The following DACH1 variants were observed in gnomAD, a reference collection of about 807,000 sequenced individuals.
DACH1 encodes dachshund homolog 1.
In DACH1, 12 loss-of-function variants were observed where a neutral mutation model predicts 54.2. The ratio of observed to expected loss-of-function variants is 0.22; its 90% CI spans 0.14 to 0.36. DACH1 has a LOEUF of 0.36. DACH1 is among the 10% of genes least tolerant of loss of function. The pLI is 1.00. For missense variants in DACH1, 805 were observed against 929.8 expected (o/e 0.87, Z 1.75); for synonymous variants, 386 against 366.2 (o/e 1.05, Z -0.62).
intron 6 of DACH1, among the ~76,000 whole-genome samples, chr13:71,521,601 G>T (rs182778351): frequency 1.3e-5 from 2 of 152,068 alleles, no homozygotes; most frequent in Non-Finnish European, 2.9e-5. Context: ...CCTCTAAGCA[G>T]ATGTCCAACA....
intron 2 of DACH1, among the ~76,000 whole-genome samples, chr13:71,660,569 T>C (rs1340313420): frequency 6.6e-6 from 1 of 152,064 alleles, no homozygotes; most frequent in African/African-American, 2.4e-5. Context: ...TCAAATTCTC[T>C]GCCATTATCT....
chr13:71,788,754 C>A (rs1211235355), intron 1 of DACH1, among the ~76,000 whole-genome samples: 3 of 149,948 alleles, frequency 2.0e-5, no homozygotes, highest in Admixed American at 6.8e-5. Context: ...GAACTTCAAC[C>A]TTTTTTCACA....
chr13:71,845,273 A>G (rs1873155287), intron 1 of DACH1, among the ~76,000 whole-genome samples: 1 of 151,968 alleles, frequency 6.6e-6, no homozygotes, highest in South Asian at 2.1e-4. Context: ...AAAGTGAATG[A>G]ACACAGATGG....
intron 1 of DACH1, among the ~76,000 whole-genome samples, chr13:71,707,803 C>T (rs961627195): frequency 5.3e-5 from 8 of 151,916 alleles, no homozygotes; most frequent in African/African-American, 1.9e-4. Context: ...AAGATAATGG[C>T]AGAAATCTAG....
chr13:71,629,292 G>T (rs1229359392), intron 3 of DACH1, among the ~76,000 whole-genome samples: 11 of 151,948 alleles, frequency 7.2e-5, no homozygotes, highest in Admixed American at 2.6e-4. Context: ...CAGTTGTAGG[G>T]CCATCTCTTT....
intron 6 of DACH1, among the ~76,000 whole-genome samples, chr13:71,489,721 A>G (rs73518996): frequency 0.014 from 2,181 of 152,252 alleles, 59 homozygotes; most frequent in African/African-American, 0.05. Flanking sequence ...ATTATTCATC[A>G]TCATTAAAAT....
intron 3 of DACH1, 88 bp from the exon 4 acceptor site, chr13:71,573,100 G>T: frequency 7.6e-7 from 1 of 1,313,144 alleles, no homozygotes; most frequent in Non-Finnish European, 1.0e-6. Context: ...AATAATGGTA[G>T]TCAAAGAAAC....
chr13:71,742,997 T>C (rs1884460841), intron 1 of DACH1, among the ~76,000 whole-genome samples: 2 of 152,188 alleles, frequency 1.3e-5, no homozygotes, highest in Admixed American at 1.3e-4. Flanking sequence ...GACTTCTTGA[T>C]TGGACAACTT....
chr13:71,569,708 T>C (rs1433676042), intron 4 of DACH1, among the ~76,000 whole-genome samples: 1 of 152,178 alleles, frequency 6.6e-6, no homozygotes, highest in African/African-American at 2.4e-5. Context: ...TATTTTTGCT[T>C]CTCTTTTGTC....
intron 1 of DACH1, among the ~76,000 whole-genome samples, chr13:71,723,249 A>T (rs1048496971): frequency 2.1e-3 from 314 of 148,836 alleles, no homozygotes; most frequent in African/African-American, 7.2e-3. Context: ...CACAAATTAA[A>T]AAAAAAAAAA....
intron 1 of DACH1, among the ~76,000 whole-genome samples, chr13:71,862,112 G>C (rs927213608): frequency 7.2e-5 from 11 of 151,844 alleles, no homozygotes; most frequent in African/African-American, 2.4e-4. Context: ...ATCTACTTAA[G>C]TTAAAAACCC....
chr13:71,635,730 A>T (rs1348516013), intron 2 of DACH1, among the ~76,000 whole-genome samples: 1 of 151,890 alleles, frequency 6.6e-6, no homozygotes, highest in East Asian at 1.9e-4. Flanking sequence ...CCCCTCTTCC[A>T]TATCCCACTT....
chr13:71,478,140 T>C (rs1308039294), intron 8 of DACH1, among the ~76,000 whole-genome samples: 1 of 152,210 alleles, frequency 6.6e-6, no homozygotes, highest in Non-Finnish European at 1.5e-5. Context: ...TTCCATAGAT[T>C]GAGTTCTTTG....
chr13:71,817,036 T>A (rs947437124), intron 1 of DACH1, among the ~76,000 whole-genome samples: 8 of 152,062 alleles, frequency 5.3e-5, no homozygotes, highest in African/African-American at 1.7e-4. Context: ...GTAGGAAACC[T>A]ACGCTTGTAC....
intron 1 of DACH1, among the ~76,000 whole-genome samples, chr13:71,822,493 A>G (rs1296809263): frequency 6.6e-6 from 1 of 152,170 alleles, no homozygotes; most frequent in Non-Finnish European, 1.5e-5. Flanking sequence ...GTATGTTATT[A>G]TGTTGAACAC....
chr13:71,586,946 T>C (rs927431987), intron 3 of DACH1, among the ~76,000 whole-genome samples: 1 of 152,116 alleles, frequency 6.6e-6, no homozygotes, highest in South Asian at 2.1e-4. Context: ...GTTTTTCGGT[T>C]AAATTTCTAT....
At chr13:71,523,126 A>G (rs1414336472) in intron 6 of DACH1, among the ~76,000 whole-genome samples, 1 of 152,132 alleles carries the variant, frequency 6.6e-6, no homozygotes. Context: ...CAGATGTGTG[A>G]GCCCCTTGTG....
intron 1 of DACH1, among the ~76,000 whole-genome samples, chr13:71,710,208 A>G (rs531651021): frequency 1.3e-5 from 2 of 152,318 alleles, no homozygotes; most frequent in South Asian, 2.1e-4. Flanking sequence ...ACTTCAAAAT[A>G]TCATAAGGCT....
At chr13:71,499,421 T>A (rs1566298906) in intron 6 of DACH1, among the ~76,000 whole-genome samples, 1 of 152,190 alleles carries the variant, frequency 6.6e-6, no homozygotes, top group Non-Finnish European at 1.5e-5. Context: ...CATTAAGTGT[T>A]CTAAGAGCAC....
Sources: gnomAD v4.1 joint callset for allele counts (sites outside exome capture counted in the v4.1 genomes callset) on GRCh38, gnomAD v4.1.1 for gene constraint, MANE v1.5 for transcripts, NCBI Gene and HGNC (gene_info 2026-07-23, HGNC 2026-07-21) for gene names.